The following TIAL1 variants were observed in gnomAD, a reference collection of about 807,000 sequenced individuals.
The protein encoded by TIAL1 is nucleolysin TIAR.
A neutral mutation model predicts 59.7 loss-of-function variants in TIAL1; 7 were observed. That is an observed-to-expected ratio of 0.12 (90% confidence interval 0.07 to 0.22). TIAL1 has a LOEUF of 0.22. TIAL1 is among the 10% of genes least tolerant of loss of function. The pLI, the probability that TIAL1 is intolerant of heterozygous loss-of-function variation, is 1.00. For missense variants in TIAL1, 225 were observed against 462.5 expected (o/e 0.49, Z 4.71); for synonymous variants, 149 against 146.3 (o/e 1.02, Z -0.13).
At chr10:119,580,729 T>C (rs746233170) in intron 5 of TIAL1, 150 of 1,015,998 alleles carry the variant, frequency 1.5e-4, no homozygotes, top group Non-Finnish European at 1.7e-4. Context: ...AATATGTATA[T>C]ATAAATAATG....
chr10:119,579,335 C>G (rs940375713), intron 6 of TIAL1, among the ~76,000 whole-genome samples: 1 of 151,876 alleles, frequency 6.6e-6, no homozygotes, highest in African/African-American at 2.4e-5. Flanking sequence ...GAGACTCTAT[C>G]TCAAAAAAAC....
intron 2 of TIAL1, among the ~76,000 whole-genome samples, chr10:119,587,030 CAAATA>C (rs1845600681): frequency 6.6e-6 from 1 of 151,862 alleles, no homozygotes; most frequent in Non-Finnish European, 1.5e-5. Flanking sequence ...GATGAAAGCA[CAAATA>C]AATAATTAAA....
chr10:119,596,423 C>T lies in TIAL1; in HGVS notation c.32+11G>A, dbSNP rs763685428. 6.2e-7 allele frequency: 1 copy of T among 1,600,008 alleles called. No individual in the cohort carries two copies. Among genetic ancestry groups the T allele is most frequent in the South Asian group, 1.1e-5 (1 of 90,638 alleles). The stretch of plus-strand genomic sequence containing the variant: ...TCTTGGCGCCTGGCACCCCTCGTCT[C>T]GGGTACTCACAGAGTCCGGGGCTGC... On this transcript the variant is annotated intron_variant, in intron 1 of 11. Coordinates refer to ENST00000436547, the MANE Select transcript of TIAL1 (RefSeq NM_003252.4).
intron 1 of TIAL1, among the ~76,000 whole-genome samples, chr10:119,591,069 C>T (rs751369424): frequency 3.9e-5 from 6 of 152,054 alleles, no homozygotes; most frequent in African/African-American, 7.2e-5. Flanking sequence ...TAGTTACCTT[C>T]TATATCTAAT....
intron 1 of TIAL1, among the ~76,000 whole-genome samples, chr10:119,589,943 G>A (rs76027843): frequency 2.0e-5 from 3 of 152,124 alleles, no homozygotes; most frequent in African/African-American, 7.2e-5. Flanking sequence ...TCTGGAAACT[G>A]AGTATTAAGA....
At chr10:119,577,009 C>T (rs1435444932) in intron 10 of TIAL1, 71 bp downstream of exon 10, 2 of 1,560,490 alleles carry the variant, frequency 1.3e-6, no homozygotes, top group Admixed American at 3.9e-5. Flanking sequence ...GTTCATTTTA[C>T]AGAGTTTCCA....
Position 119,575,551 on chromosome 10 carries a change from A to G in TIAL1, c.*114T>C, listed in dbSNP as rs1360592049. 9 of 1,443,482 alleles carry G rather than the reference A, an allele frequency of 6.2e-6. No individual in the cohort carries two copies. The highest frequency in any genetic ancestry group is 8.6e-6 in the Non-Finnish European group (9 of 1,041,872). The allele number at this position is 1,443,482 out of a possible 1,614,324, so 89.4% of individuals were successfully genotyped here. On this transcript the variant is annotated 3_prime_UTR_variant, in exon 12 of 12. Transcript: ENST00000436547. ...CAAATCTGTGCTAAAGGTTCCAAAC[A>G]TTTCAATTTTTAAAATAAATATTTT...
chr10:119,577,312 A>C, intron 9 of TIAL1, 109 bp from the exon 10 acceptor site: 1 of 1,454,806 alleles, frequency 6.9e-7, no homozygotes, highest in Non-Finnish European at 9.2e-7. Flanking sequence ...TTTTTTTTCT[A>C]AAGTACATTA....
intron 6 of TIAL1, 62 bp downstream of exon 6, chr10:119,579,873 C>T (rs1029816935): frequency 1.5e-6 from 2 of 1,332,268 alleles, no homozygotes; most frequent in African/African-American, 3.0e-5. Context: ...AGATTCAATA[C>T]ATTAAGTAAC....
chr10:119,582,606 T>C lies in TIAL1; in HGVS notation c.130-49A>G, dbSNP rs1205532092. The C allele has an allele frequency of 6.3e-7, 1 of 1,595,966 alleles. No individual in the cohort carries two copies. The highest frequency in any genetic ancestry group is 1.8e-5 in the Admixed American group (1 of 55,216). ...AAGAGTTGACCCTTCTGCTATCGGG[T>C]TGCTGAGAAGAAAATCCAGGAAAAA... On this transcript the variant is annotated intron_variant, in intron 2 of 11. Coordinates refer to ENST00000436547, the MANE Select transcript of TIAL1 (RefSeq NM_003252.4). This position sits in a 1 kb window ranked among gnomAD's most constrained non-coding sequence, Gnocchi z 5.1.
chr10:119,594,695 G>A (rs1035409734), intron 1 of TIAL1, among the ~76,000 whole-genome samples: 1 of 152,046 alleles, frequency 6.6e-6, no homozygotes, highest in South Asian at 2.1e-4. Context: ...TGCAATCTCG[G>A]CTCACTGCAA....
intron 1 of TIAL1, among the ~76,000 whole-genome samples, chr10:119,595,437 T>TAA (rs3064561): frequency 0.061 from 8,521 of 139,764 alleles, 364 homozygotes; most frequent in South Asian, 0.21. Context: ...TATTCAGACT[T>TAA]AAAAAAAAAA....
In TIAL1 at chr10:119,574,121, C is replaced by A. The variant is rs1213428265; in HGVS notation, c.*1544G>T. 6.6e-6 allele frequency: 1 copy of A among 152,582 alleles called. No individual in the cohort carries two copies. Among genetic ancestry groups the A allele is most frequent in the African/African-American group, 2.4e-5 (1 of 41,448 alleles). 9.5% of individuals were successfully genotyped at this position (152,582 alleles called of 1,614,324 possible). ...GCCAAAACATTTGCACTCCCTAGCT[C>A]TGACAATTCAAATACATAGGATTTT... On this transcript the variant is annotated 3_prime_UTR_variant, in exon 12 of 12. Transcript: ENST00000436547.
chr10:119,590,786 A>C (rs148293780), intron 1 of TIAL1, among the ~76,000 whole-genome samples: 2 of 134,986 alleles, frequency 1.5e-5, no homozygotes, highest in African/African-American at 5.7e-5. Flanking sequence ...GAAAGAAAGA[A>C]AGAAAGAAAG....
intron 1 of TIAL1, among the ~76,000 whole-genome samples, chr10:119,589,920 G>A (rs926229046): frequency 1.3e-5 from 2 of 152,010 alleles, no homozygotes; most frequent in African/African-American, 4.8e-5. Context: ...TTTTCTACTT[G>A]TAATATATTA....
At position 119,596,602 on chromosome 10, in the gene TIAL1, C is replaced by G. The variant is rs542273737; in HGVS notation, c.-137G>C. The G allele has an allele frequency of 6.8e-5, 47 of 688,778 alleles. No homozygotes were observed. Among genetic ancestry groups the G allele is most frequent in the African/African-American group, 5.2e-4 (29 of 55,944 alleles). The allele number at this position is 688,778 out of a possible 1,614,324, so 42.7% of individuals were successfully genotyped here. On this transcript the variant is annotated 5_prime_UTR_variant, in exon 1 of 12. Coordinates refer to ENST00000436547, the MANE Select transcript of TIAL1 (RefSeq NM_003252.4). Reference sequence around the variant, plus strand: ...AGGCACCGAACCCTGCTCTCGGGCTCTCTCCCCCCAGCCCGCTCCGGACAC... The same window carrying G: ...AGGCACCGAACCCTGCTCTCGGGCTGTCTCCCCCCAGCCCGCTCCGGACAC...
intron 1 of TIAL1, among the ~76,000 whole-genome samples, chr10:119,592,763 TCACACACA>T (rs55740460): frequency 2.0e-5 from 3 of 149,968 alleles, no homozygotes; most frequent in African/African-American, 4.9e-5. Context: ...TGAGATATTC[TCACACACA>T]CACACACACA....
Position 119,574,599 on chromosome 10 carries a change from A to AAC in TIAL1, c.*1065_*1066insGT, listed in dbSNP as rs563224031. The AAC allele has an allele frequency of 8.2e-4, 123 of 150,568 alleles. 1 individual carries two copies. Among genetic ancestry groups the AAC allele is most frequent in the African/African-American group, 2.9e-3 (119 of 40,670 alleles). The allele number at this position is 150,568 out of a possible 1,614,324, so 9.3% of individuals were successfully genotyped here. ...AGTAATGTAAAGCAAAAAAAAAAAA[A>AAC]AAAAAAAACAAAAACAAAAAACTAA... is the stretch of plus-strand genomic sequence containing the variant. On this transcript the variant is annotated 3_prime_UTR_variant, in exon 12 of 12. Transcript: ENST00000436547.
chr10:119,577,170 A>G lies in TIAL1; in HGVS notation c.771T>C (p.Ile257=), dbSNP rs751078396. 6 of 1,612,558 alleles carry G rather than the reference A, an allele frequency of 3.7e-6. No homozygotes were observed. The South Asian group carries it at 6.6e-5, about 18-fold the overall frequency. ...FSTHESAAHA[I]VSVNGTTIEG... is the part of the protein sequence containing the mutation. ...CAATCGTAGTACCGTTCACCGAAAC[A>G]ATGGCATGGGCTGCACTTTCATGGG... Residue 257 remains isoleucine, a synonymous_variant, in exon 10 of 12, where the codon ATT becomes ATC. Transcript: ENST00000436547.
Sources: allele counts gnomAD v4.1 joint callset (sites outside exome capture counted in the v4.1 genomes callset), GRCh38; gene constraint gnomAD v4.1.1; non-coding constraint Gnocchi (gnomAD v3.1); transcripts MANE v1.5; gene names NCBI Gene and HGNC (gene_info 2026-07-23, HGNC 2026-07-21).